Variants in NDE1 observed in about 807,000 individuals in gnomAD.
NDE1 encodes nuclear distribution protein nudE homolog 1.
Under a neutral mutation model 43.4 loss-of-function variants are expected in NDE1, and 28 were observed. The observed-to-expected ratio is 0.65, with a 90% CI of 0.48 to 0.89. The LOEUF (loss-of-function observed/expected upper bound fraction) is 0.89, where lower values mean the gene tolerates loss of function less well. Among genes scored for constraint, NDE1 ranks in the 40% least tolerant of loss-of-function variants. The pLI is 0.00. For missense variants in NDE1, 441 were observed against 434.1 expected, an observed-to-expected ratio of 1.02 and a Z score of -0.14; for synonymous variants, 184 against 172.0, an observed-to-expected ratio of 1.07 and a Z score of -0.55.
intron 8 of NDE1, among the ~76,000 whole-genome samples, chr16:15,704,707 G>C (rs1365404461): frequency 6.6e-6 from 1 of 150,926 alleles, no homozygotes; most frequent in Non-Finnish European, 1.5e-5. Flanking sequence ...CTGCTGGTGT[G>C]AATGTTCATG....
rs1285525552 is a variant in NDE1, at chr16:15,721,199, G to A, written c.948-2992G>A. ...GGCCGGGACTCAAGATGACCCCTGAGAGTTCAGACCCCAGCCTTATCCTCG... is the reference window on the plus strand; with the variant it reads ...GGCCGGGACTCAAGATGACCCCTGAAAGTTCAGACCCCAGCCTTATCCTCG... On this transcript the variant is annotated intron_variant, in intron 8 of 8. Coordinates refer to ENST00000396354, the MANE Select transcript of NDE1 (RefSeq NM_017668.3). 23 of 989,278 alleles carry A rather than the reference G, an allele frequency of 2.3e-5. No individual in the cohort carries two copies. In the South Asian group the frequency reaches 2.7e-4, roughly 12 times the overall value. 61.3% of individuals were successfully genotyped at this position (989,278 alleles called of 1,614,324 possible). A position where few individuals can be genotyped will look rare whatever the true frequency, so the allele number is the denominator to read the frequency against.
At chr16:15,671,387 G>A (rs749595111) in intron 3 of NDE1, among the ~76,000 whole-genome samples, 4 of 152,150 alleles carry the variant, frequency 2.6e-5, no homozygotes, top group Admixed American at 6.6e-5. Flanking sequence ...GTGCACACCT[G>A]TAGTCTAAGC....
chr16:15,718,107 A>G, intron 8 of NDE1: 1 of 739,276 alleles, frequency 1.4e-6, no homozygotes, highest in Non-Finnish European at 2.2e-6. Flanking sequence ...AAAATGAGAC[A>G]CTGCAGCGTG....
At position 15,664,726 on chromosome 16, in the gene NDE1, T is replaced by G. The variant is rs370914368; in HGVS notation, c.-43-10T>G. On this transcript the variant is annotated splice_polypyrimidine_tract_variant and intron_variant, in intron 1 of 8. Transcript: ENST00000396354. ...GATGTGGGTAATCATTTTGAAACCT[T>G]CTCTCCTAGACACCATGCCACAAGG... The G allele has an allele frequency of 7.4e-7, 1 of 1,348,280 alleles. No individual in the cohort carries two copies. Among genetic ancestry groups the G allele is most frequent in the Non-Finnish European group, 1.1e-6 (1 of 938,770 alleles). 83.5% of individuals were successfully genotyped at this position (1,348,280 alleles called of 1,614,324 possible).
intron 1 of NDE1, among the ~76,000 whole-genome samples, chr16:15,660,693 T>C (rs907591180): frequency 6.6e-6 from 1 of 152,170 alleles, no homozygotes; most frequent in Non-Finnish European, 1.5e-5. Context: ...CTGTTCTTGC[T>C]CACACCGCCA....
rs201587506 is a variant in NDE1 at position 15,677,865 on chromosome 16, C to T, written c.302C>T (p.Ala101Val). Reference protein sequence around the residue: ...RQISALEDDLAQTKAIKDQLQ... With the variant: ...RQISALEDDLVQTKAIKDQLQ... ...ATCTCAGCCTTGGAGGATGACCTCG[C>T]GCAGACCAAAGCCATTAAAGACCAA... The change falls in exon 4 of 9, where the codon GCG becomes GTG. Residue 101 changes from alanine to valine, a missense_variant. Physicochemically the swap from Ala to Val is moderately conservative, Grantham distance 64. Coordinates refer to ENST00000396354, the MANE Select transcript of NDE1 (RefSeq NM_017668.3). 2.1e-4 allele frequency: 331 copies of T among 1,613,952 alleles called. 3 individuals are homozygous for T. In the Middle Eastern group the frequency reaches 4.8e-3, roughly 23 times the overall value.
intron 4 of NDE1, among the ~76,000 whole-genome samples, chr16:15,679,345 G>A (rs952760628): frequency 7.2e-5 from 11 of 151,968 alleles, no homozygotes; most frequent in Non-Finnish European, 1.5e-4. Flanking sequence ...TGTCCGTCTC[G>A]GACGCCATCT....
In NDE1 at chr16:15,725,375, T is replaced by C. The variant is rs1318874000; in HGVS notation, c.*1124T>C. ...ACGAGGTGCTCTGGCTGGTCCACTC[T>C]CTAAGGCTGGAGAAGGGAGACCAGG... On this transcript the variant is annotated 3_prime_UTR_variant, in exon 9 of 9. Transcript: ENST00000396354. 1.8e-6 allele frequency: 1 copy of C among 542,262 alleles called. No individual in the cohort carries two copies. Among genetic ancestry groups the C allele is most frequent in the Admixed American group, 3.6e-5 (1 of 27,842 alleles). The allele number at this position is 542,262 out of a possible 1,614,324, so 33.6% of individuals were successfully genotyped here. A position where few individuals can be genotyped will look rare whatever the true frequency, so the allele number is the denominator to read the frequency against.
rs184220265 is a variant in NDE1 at position 15,666,126 on chromosome 16, G to A, written c.84-1160G>A. Among the ~76,000 whole-genome samples the A allele has an allele frequency of 2.7e-3, 412 of 152,190 alleles. 2 individuals are homozygous for A. The highest frequency in any genetic ancestry group is 5.0e-3 in the Non-Finnish European group (343 of 67,998). ...TATCTGGTAAGTTCTTTGTGCACAG[G>A]GAAAGAGCTTTTCCCTATGCCTAGC... On this transcript the variant is annotated intron_variant, in intron 2 of 8. Coordinates refer to ENST00000396354, the MANE Select transcript of NDE1 (RefSeq NM_017668.3).
chr16:15,652,686 C>T (rs532201189), intron 1 of NDE1, among the ~76,000 whole-genome samples: 7 of 152,172 alleles, frequency 4.6e-5, no homozygotes, highest in Non-Finnish European at 8.8e-5. Context: ...TTTTTTGAGA[C>T]GGGATCTCAC....
chr16:15,721,807 A>G (rs2040500753), intron 8 of NDE1: 1 of 675,390 alleles, frequency 1.5e-6, no homozygotes, highest in East Asian at 2.7e-5. Context: ...TGACTTCTAC[A>G]TCAACCTTAT....
upstream of NDE1, among the ~76,000 whole-genome samples, chr16:15,649,166 A>G (rs2036393375): frequency 6.6e-6 from 1 of 152,212 alleles, no homozygotes; most frequent in Non-Finnish European, 1.5e-5. Flanking sequence ...ACTGCATTCC[A>G]GCCTGGGAGA....
chr16:15,662,958 C>T (rs1355662831), intron 1 of NDE1, among the ~76,000 whole-genome samples: 1 of 152,168 alleles, frequency 6.6e-6, no homozygotes, highest in African/African-American at 2.4e-5. Context: ...TCCATGGCCA[C>T]CAGGACCAGC....
chr16:15,717,928 C>A, intron 8 of NDE1: 1 of 337,748 alleles, frequency 3.0e-6, no homozygotes. Context: ...CTGCAGGTTA[C>A]TGGATGGTCC....
chr16:15,718,476 C>G (rs1190618442), intron 8 of NDE1: 1 of 1,538,092 alleles, frequency 6.5e-7, no homozygotes, highest in Admixed American at 2.0e-5. Flanking sequence ...CCTCTACCCT[C>G]CCCCGCCTTA....
chr16:15,691,034 C>T, intron 5 of NDE1, 110 bp from the exon 6 acceptor site: 1 of 1,340,946 alleles, frequency 7.5e-7, no homozygotes, highest in Non-Finnish European at 1.1e-6. Context: ...TCTCGAACTC[C>T]TGACCTCAGG....
chr16:15,693,990 C>T (rs1434080147), intron 6 of NDE1, among the ~76,000 whole-genome samples, 175 bp from the exon 7 acceptor site: 3 of 152,172 alleles, frequency 2.0e-5, no homozygotes, highest in Non-Finnish European at 4.4e-5. Context: ...AATTGGTTGT[C>T]ATACGGGCCT....
At chr16:15,719,009 T>C (rs1038410751) in intron 8 of NDE1, 1 of 610,988 alleles carries the variant, frequency 1.6e-6, no homozygotes, top group Admixed American at 2.4e-5. Context: ...ACACCTGTAG[T>C]CTCAGCTACT....
At chr16:15,714,747 G>A (rs138926429) in intron 8 of NDE1, 8 of 916,682 alleles carry the variant, frequency 8.7e-6, no homozygotes, top group African/African-American at 1.6e-5. Flanking sequence ...CTCAGTGCCT[G>A]GCCCACACTA....
Sources: gnomAD v4.1 joint callset for allele counts (sites outside exome capture counted in the v4.1 genomes callset) on GRCh38, gnomAD v4.1.1 for gene constraint, MANE v1.5 for transcripts, NCBI Gene and HGNC (gene_info 2026-07-23, HGNC 2026-07-21) for gene names.